Variants in MIPOL1 observed in about 807,000 individuals in gnomAD.
The protein encoded by MIPOL1 is mirror-image polydactyly gene 1 protein.
MIPOL1 carries 57 observed loss-of-function variants against 60.9 expected under a neutral mutation model. That is an observed-to-expected ratio of 0.94 (90% CI 0.76 to 1.17). The LOEUF (loss-of-function observed/expected upper bound fraction) is 1.17. Ranked by LOEUF, MIPOL1 falls within the 50% of genes most tolerant of loss-of-function variation. The probability of loss-of-function intolerance (pLI) is 0.00; values close to 1 mark genes in which losing one functional copy is unlikely to be tolerated. For synonymous variants in MIPOL1, 179 were observed against 168.8 expected, an observed-to-expected ratio of 1.06 and a Z score of -0.47; for missense variants, 551 against 511.6, an observed-to-expected ratio of 1.08 and a Z score of -0.74.
chr14:37,510,040 C>T (rs1275027783), intron 12 of MIPOL1, among the ~76,000 whole-genome samples: 2 of 151,480 alleles, frequency 1.3e-5, no homozygotes, highest in African/African-American at 2.4e-5. Flanking sequence ...TCTATATAGT[C>T]TATTCATCTT....
At chr14:37,242,713 A>G (rs1037014522) in intron 1 of MIPOL1, among the ~76,000 whole-genome samples, 8 of 152,148 alleles carry the variant, frequency 5.3e-5, no homozygotes, top group African/African-American at 1.7e-4. Context: ...TACTCTTCTA[A>G]GGATAGAGAG....
chr14:37,316,606 T>TTC (rs3061942), intron 9 of MIPOL1, among the ~76,000 whole-genome samples: 1 of 144,824 alleles, frequency 6.9e-6, no homozygotes, highest in Non-Finnish European at 1.5e-5. Context: ...TTTTTTTTTT[T>TTC]CCTTTCTTTT....
intron 6 of MIPOL1, 141 bp downstream of exon 6, chr14:37,270,666 C>CTTA (rs2083237764): frequency 5.4e-6 from 2 of 372,504 alleles, no homozygotes; most frequent in Non-Finnish European, 9.0e-6. Context: ...TTTTTGGCTG[C>CTTA]TTAGAAAATA....
At chr14:37,416,550 A>G (rs1264787722) in intron 10 of MIPOL1, among the ~76,000 whole-genome samples, 3 of 152,196 alleles carry the variant, frequency 2.0e-5, no homozygotes, top group Non-Finnish European at 4.4e-5. Flanking sequence ...ACACATAGAA[A>G]AAGTACAGTA....
chr14:37,436,159 T>TA lies in MIPOL1; in HGVS notation c.1031+13218dup, dbSNP rs551716630. Among the ~76,000 whole-genome samples, 154 of 152,010 alleles carry TA rather than the reference T, an allele frequency of 1.0e-3. 2 individuals are homozygous for TA. In the Middle Eastern group the frequency reaches 0.01, roughly 10 times the overall value. ...AGTTTTTAAAAGTAAAATAAGATGT[T>TA]AAAAAAAATACTACCAACTTTAAAA... On this transcript the variant is annotated intron_variant, in intron 11 of 12. Transcript: ENST00000684589.
At chr14:37,358,678 G>A (rs186844396) in intron 9 of MIPOL1, among the ~76,000 whole-genome samples, 40 of 152,010 alleles carry the variant, frequency 2.6e-4, no homozygotes, top group African/African-American at 8.9e-4. Flanking sequence ...ACTTTTTCAC[G>A]GGGTTGCCTT....
At position 37,289,866 on chromosome 14, in the gene MIPOL1, G is replaced by A. The variant is rs141375311; in HGVS notation, c.623+4419G>A. Among the ~76,000 whole-genome samples the A allele has an allele frequency of 8.7e-3, 1,327 of 152,188 alleles. 8 individuals are homozygous for A. Among genetic ancestry groups the A allele is most frequent in the Middle Eastern group, 0.031 (9 of 294 alleles). On this transcript the variant is annotated intron_variant, in intron 7 of 12. Transcript: ENST00000684589. ...AGCCTCCATCCAGAAGGTATCTAAG[G>A]GCTGCCAGCTATCAGTTAATCATTA...
At chr14:37,211,541 A>G (rs1204195160) in intron 1 of MIPOL1, among the ~76,000 whole-genome samples, 1 of 152,144 alleles carries the variant, frequency 6.6e-6, no homozygotes, top group African/African-American at 2.4e-5. Context: ...CCGGAGGGGA[A>G]TTGCTGATCC....
At chr14:37,472,735 T>TTATG (rs1301181392) in intron 11 of MIPOL1, among the ~76,000 whole-genome samples, 1 of 152,130 alleles carries the variant, frequency 6.6e-6, no homozygotes, top group Non-Finnish European at 1.5e-5. Context: ...CTGAGCTGGA[T>TTATG]TATGTTACCC....
chr14:37,369,646 C>A, intron 10 of MIPOL1, 22 bp downstream of exon 10: 1 of 1,585,230 alleles, frequency 6.3e-7, no homozygotes, highest in Non-Finnish European at 8.7e-7. Flanking sequence ...TTCCTTCTTG[C>A]AGGCAAATTA....
At chr14:37,425,289 G>A (rs559024737) in intron 11 of MIPOL1, among the ~76,000 whole-genome samples, 3 of 152,194 alleles carry the variant, frequency 2.0e-5, no homozygotes, top group Non-Finnish European at 4.4e-5. Flanking sequence ...CTTGATGCCA[G>A]TTCCTGAAGC....
At chr14:37,247,620 G>A (rs1345832610) in intron 2 of MIPOL1, among the ~76,000 whole-genome samples, 1 of 152,094 alleles carries the variant, frequency 6.6e-6, no homozygotes, top group African/African-American at 2.4e-5. Flanking sequence ...AACCTGAACT[G>A]TATATACTAA....
chr14:37,470,967 G>A (rs936420495), intron 11 of MIPOL1, among the ~76,000 whole-genome samples: 1 of 152,112 alleles, frequency 6.6e-6, no homozygotes, highest in Non-Finnish European at 1.5e-5. Context: ...AGGTGGGTGA[G>A]GGTTGAAAAT....
At chr14:37,411,240 A>G (rs750219706) in intron 10 of MIPOL1, among the ~76,000 whole-genome samples, 2 of 152,184 alleles carry the variant, frequency 1.3e-5, no homozygotes, top group Non-Finnish European at 2.9e-5. Flanking sequence ...AGCTGAAGTC[A>G]TGTCTCCCTG....
chr14:37,386,854 C>A (rs1002175103), intron 10 of MIPOL1, among the ~76,000 whole-genome samples: 1 of 151,860 alleles, frequency 6.6e-6, no homozygotes, highest in Non-Finnish European at 1.5e-5. Context: ...TTAACAATAT[C>A]GTTCATACTC....
At chr14:37,433,094 T>C (rs2094103787) in intron 11 of MIPOL1, among the ~76,000 whole-genome samples, 1 of 152,200 alleles carries the variant, frequency 6.6e-6, no homozygotes, top group Admixed American at 6.5e-5. Flanking sequence ...AGGGTCTCGC[T>C]CTGTTTCCTA....
chr14:37,216,299 TAAAG>T (rs751308145), intron 1 of MIPOL1, among the ~76,000 whole-genome samples: 6 of 152,012 alleles, frequency 3.9e-5, no homozygotes, highest in East Asian at 1.9e-4. Context: ...ATATTAGAGA[TAAAG>T]AGAGAGAGAT....
At chr14:37,537,477 A>G (rs1034671633) in intron 12 of MIPOL1, among the ~76,000 whole-genome samples, 2 of 152,138 alleles carry the variant, frequency 1.3e-5, no homozygotes. Context: ...AATTCTAGGT[A>G]AATAAATTAT....
chr14:37,431,569 C>CTTTTTTTTTTTTT lies in MIPOL1; in HGVS notation c.1031+8635_1031+8647dup, dbSNP rs869258490. Among the ~76,000 whole-genome samples the CTTTTTTTTTTTTT allele has an allele frequency of 4.6e-4, 30 of 64,852 alleles. 5 individuals are homozygous for CTTTTTTTTTTTTT. The highest frequency in any genetic ancestry group is 7.0e-4 in the African/African-American group (11 of 15,638). The allele number at this position is 64,852 out of a possible 152,430, so 42.5% of individuals were successfully genotyped here. On this transcript the variant is annotated intron_variant, in intron 11 of 12. Coordinates refer to ENST00000684589, the MANE Select transcript of MIPOL1 (RefSeq NM_001388067.1). ...CTTGATATTGCTGCCATCTCTGTTT[C>CTTTTTTTTTTTTT]TTTTTTTTTTTTTTTTTTTTTTTTT...
Sources: gnomAD v4.1 joint callset for allele counts (sites outside exome capture counted in the v4.1 genomes callset) on GRCh38, gnomAD v4.1.1 for gene constraint, MANE v1.5 for transcripts, NCBI Gene and HGNC (gene_info 2026-07-23, HGNC 2026-07-21) for gene names.